Variants in SLC38A1 observed in about 807,000 individuals in gnomAD.
The protein encoded by SLC38A1 is solute carrier family 38 member 1.
SLC38A1 carries 18 observed loss-of-function variants against 60.3 expected under a neutral mutation model. The observed-to-expected ratio is 0.30, with a 90% confidence interval of 0.21 to 0.44. The LOEUF (loss-of-function observed/expected upper bound fraction) is 0.44. Ranked by LOEUF, SLC38A1 falls within the 20% of genes least tolerant of loss-of-function variation. SLC38A1 has a pLI of 1.00. For missense variants in SLC38A1, 448 were observed against 587.2 expected, an observed-to-expected ratio of 0.76 and a Z score of 2.45; for synonymous variants, 196 against 212.1, an observed-to-expected ratio of 0.92 and a Z score of 0.66.
At chr12:46,254,211 A>G (rs1278232563) in intron 1 of SLC38A1, among the ~76,000 whole-genome samples, 1 of 152,210 alleles carries the variant, frequency 6.6e-6, no homozygotes, top group Non-Finnish European at 1.5e-5. Flanking sequence ...AGATTTTTAC[A>G]TTACTCATCC....
rs965698227 is a variant in SLC38A1 at position 46,202,920 on chromosome 12, T to A, written c.902+90A>T. 21 of 911,102 alleles carry A rather than the reference T, an allele frequency of 2.3e-5. No homozygotes were observed. The African/African-American group carries it at 3.0e-4, about 13-fold the overall frequency. 56.4% of individuals were successfully genotyped at this position (911,102 alleles called of 1,614,324 possible). On this transcript the variant is annotated intron_variant, in intron 12 of 16. Transcript: ENST00000398637. ...TGGGTGATGAATCCGCTGACGTTCATTAGACAAGTCCGTTTATTTTAATTG... is the reference window on the plus strand; with the variant it reads ...TGGGTGATGAATCCGCTGACGTTCAATAGACAAGTCCGTTTATTTTAATTG...
chr12:46,235,150 A>AAGAGAGGCAAGAAAC (rs368046547), intron 3 of SLC38A1, among the ~76,000 whole-genome samples: 2 of 152,340 alleles, frequency 1.3e-5, no homozygotes, highest in Admixed American at 6.5e-5. Context: ...GTACATTGTG[A>AAGAGAGGCAAGAAAC]AGAGAGGCAA....
At chr12:46,254,100 T>TAAATTATAAGAAGTTCC (rs1941947920) in intron 1 of SLC38A1, among the ~76,000 whole-genome samples, 1 of 152,186 alleles carries the variant, frequency 6.6e-6, no homozygotes, top group Admixed American at 6.5e-5. Flanking sequence ...TCAAGTAAAC[T>TAAATTATAAGAAGTTCC]AAATTATAAG....
intron 1 of SLC38A1, among the ~76,000 whole-genome samples, chr12:46,257,446 G>C (rs2138887461): frequency 6.6e-6 from 1 of 152,162 alleles, no homozygotes; most frequent in East Asian, 1.9e-4. Context: ...TCTGTCTTAG[G>C]AGAAACTCTA....
Position 46,260,968 on chromosome 12 carries a change from G to A in SLC38A1, c.-209+7558C>T, listed in dbSNP as rs188548367. Among the ~76,000 whole-genome samples, 10 of 152,184 alleles carry A rather than the reference G, an allele frequency of 6.6e-5. No homozygotes were observed. The East Asian group carries it at 1.9e-3, about 29-fold the overall frequency. The stretch of plus-strand genomic sequence containing the variant: ...CATAACTGTTCCCTCTACAGGATGA[G>A]GTCTAATCTCTAGAACCTCAGACAG... On this transcript the variant is annotated intron_variant, in intron 1 of 16. Coordinates refer to ENST00000398637, the MANE Select transcript of SLC38A1 (RefSeq NM_030674.4).
chr12:46,194,195 C>T (rs946865109), intron 16 of SLC38A1, among the ~76,000 whole-genome samples: 1 of 152,132 alleles, frequency 6.6e-6, no homozygotes, highest in Non-Finnish European at 1.5e-5. Context: ...ACTTATGAAG[C>T]TTAGTTTGGC....
At chr12:46,195,411 G>A (rs1939325048) in intron 16 of SLC38A1, among the ~76,000 whole-genome samples, 1 of 152,208 alleles carries the variant, frequency 6.6e-6, no homozygotes, top group Admixed American at 6.5e-5. Context: ...GACCTGCTTG[G>A]GGAGGCAGTC....
At chr12:46,216,239 A>G (rs989715288) in intron 5 of SLC38A1, among the ~76,000 whole-genome samples, 1 of 152,172 alleles carries the variant, frequency 6.6e-6, no homozygotes, top group Non-Finnish European at 1.5e-5. Flanking sequence ...AAATACCTGT[A>G]TAAAGATTTG....
At chr12:46,196,581 G>A (rs7956629) in intron 16 of SLC38A1, among the ~76,000 whole-genome samples, 11,447 of 152,170 alleles carry the variant, frequency 0.075, 1,410 homozygotes, top group African/African-American at 0.26. Flanking sequence ...TGGGAATTAA[G>A]GCTTCAGGGG....
In SLC38A1 at chr12:46,184,370, ATAT is replaced by A. The variant is rs1938867623; in HGVS notation, c.*4597_*4599del. On this transcript the variant is annotated 3_prime_UTR_variant, in exon 17 of 17. Coordinates refer to ENST00000398637, the MANE Select transcript of SLC38A1 (RefSeq NM_030674.4). ...TTAGTATTGCTAAATGATGGTCTGTATATTCTTTGTTTTGAAGGTGGCTAGATG... is the reference window on the plus strand; with the variant it reads ...TTAGTATTGCTAAATGATGGTCTGTATCTTTGTTTTGAAGGTGGCTAGATG... The A allele has an allele frequency of 6.6e-6, 1 of 152,154 alleles. No individual in the cohort carries two copies. Among genetic ancestry groups the A allele is most frequent in the Non-Finnish European group, 1.5e-5 (1 of 68,032 alleles). 9.4% of individuals were successfully genotyped at this position (152,154 alleles called of 1,614,324 possible).
intron 1 of SLC38A1, among the ~76,000 whole-genome samples, chr12:46,267,888 A>G (rs1402229650): frequency 6.6e-5 from 10 of 152,216 alleles, no homozygotes; most frequent in Non-Finnish European, 1.5e-4. Flanking sequence ...TCTTCAGGGC[A>G]GGAAAGGACA....
At chr12:46,243,033 T>C (rs1941497860) in intron 2 of SLC38A1, among the ~76,000 whole-genome samples, 167 bp downstream of exon 2, 1 of 151,914 alleles carries the variant, frequency 6.6e-6, no homozygotes, top group Admixed American at 6.6e-5. Flanking sequence ...TGTAAGCATT[T>C]TGAAGAACAG....
At chr12:46,259,633 T>A (rs1942138057) in intron 1 of SLC38A1, among the ~76,000 whole-genome samples, 1 of 152,126 alleles carries the variant, frequency 6.6e-6, no homozygotes, top group African/African-American at 2.4e-5. Flanking sequence ...TGGGGAATAA[T>A]AAAAATGGCC....
Position 46,184,222 on chromosome 12 carries a change from A to G in SLC38A1, c.*4748T>C, listed in dbSNP as rs550189973. ...TAGTGATAGTTTTTAGTTGTTAGAC[A>G]CCCCACCTTCAGCTTGTACCTGAAA... On this transcript the variant is annotated 3_prime_UTR_variant, in exon 17 of 17. Coordinates refer to ENST00000398637, the MANE Select transcript of SLC38A1 (RefSeq NM_030674.4). 1.3e-5 allele frequency: 2 copies of G among 152,374 alleles called. No homozygotes were observed. Among genetic ancestry groups the G allele is most frequent in the African/African-American group, 4.8e-5 (2 of 41,544 alleles). 9.4% of individuals were successfully genotyped at this position (152,374 alleles called of 1,614,324 possible).
chr12:46,245,401 A>G (rs1565788768), intron 1 of SLC38A1, among the ~76,000 whole-genome samples: 2 of 152,224 alleles, frequency 1.3e-5, no homozygotes, highest in Non-Finnish European at 2.9e-5. Flanking sequence ...GCAAATCCAT[A>G]CTGCAATGAG....
chr12:46,259,749 G>A (rs938653666), intron 1 of SLC38A1, among the ~76,000 whole-genome samples: 1 of 152,076 alleles, frequency 6.6e-6, no homozygotes, highest in African/African-American at 2.4e-5. Context: ...TTAAGGTCCT[G>A]GCTCTTCTGC....
At chr12:46,237,689 T>C (rs1443063276) in intron 3 of SLC38A1, among the ~76,000 whole-genome samples, 1 of 151,918 alleles carries the variant, frequency 6.6e-6, no homozygotes, top group Non-Finnish European at 1.5e-5. Flanking sequence ...AAACTTGACA[T>C]TTTTAGTAAG....
intron 5 of SLC38A1, among the ~76,000 whole-genome samples, chr12:46,212,924 G>A (rs1940238946): frequency 6.6e-6 from 1 of 152,106 alleles, no homozygotes; most frequent in African/African-American, 2.4e-5. Context: ...TTACCTTCTG[G>A]ACCTATTTGT....
chr12:46,239,585 C>T (rs373731240), intron 3 of SLC38A1, 94 bp downstream of exon 3: 2 of 1,396,122 alleles, frequency 1.4e-6, no homozygotes, highest in Non-Finnish European at 2.0e-6. Flanking sequence ...TCAAATGATC[C>T]ACCCACCTCG....
Sources: gnomAD v4.1 joint callset for allele counts (sites outside exome capture counted in the v4.1 genomes callset) on GRCh38, gnomAD v4.1.1 for gene constraint, MANE v1.5 for transcripts, NCBI Gene and HGNC (gene_info 2026-07-23, HGNC 2026-07-21) for gene names.